Variants in HNRNPH1 observed in about 807,000 individuals in gnomAD.
HNRNPH1 encodes the protein heterogeneous nuclear ribonucleoprotein H1.
A neutral mutation model predicts 58.6 loss-of-function variants in HNRNPH1; 4 were observed. The observed-to-expected ratio is 0.07, with a 90% CI of 0.03 to 0.16. The LOEUF (loss-of-function observed/expected upper bound fraction) is 0.16. Among genes scored for constraint, HNRNPH1 ranks in the 10% least tolerant of loss-of-function variants. The pLI is 1.00. For synonymous variants in HNRNPH1, 192 were observed against 189.2 expected (o/e 1.01, Z -0.12); for missense variants, 271 against 564.2 (o/e 0.48, Z 5.26).
chr5:179,615,245 T>C, intron 12 of HNRNPH1: 1 of 430,338 alleles, frequency 2.3e-6, no homozygotes, highest in East Asian at 3.6e-5. Context: ...TTTCAAAAAT[T>C]GCAAAATTAC....
At position 179,617,622 on chromosome 5, in the gene HNRNPH1, CTCTCACAG is replaced by C. The variant is rs1252105851; in HGVS notation, c.941_948del (p.Pro314ArgfsTer4). The C allele has an allele frequency of 6.2e-7, 1 of 1,614,072 alleles. No homozygotes were observed. Among genetic ancestry groups the C allele is most frequent in the Non-Finnish European group, 8.5e-7 (1 of 1,179,958 alleles). On this transcript the variant is annotated frameshift_variant, in exon 8 of 13. Coordinates refer to ENST00000356731, the Ensembl canonical transcript of HNRNPH1. LOFTEE classifies it high-confidence loss of function. ...CCATCAGGACCAATTTCAATGTGTA[CTCTCACAG>C]GGTTGAGCGGTGAAAAAAACTACAA...
chr5:179,625,963 A>ATTTATTTT (rs1562362082), upstream of HNRNPH1, among the ~76,000 whole-genome samples: 6 of 150,928 alleles, frequency 4.0e-5, no homozygotes, highest in African/African-American at 1.2e-4. Flanking sequence ...TTATTTATTT[A>ATTTATTTT]TTTTTTGTAG....
At chr5:179,618,293 A>G (rs371854732) in exon 5 of HNRNPH1, 1 of 1,613,136 alleles carries the variant, frequency 6.2e-7, no homozygotes, top group African/African-American at 1.3e-5. Flanking sequence ...TTCTAACTTC[A>G]GCTCTACTGC....
At chr5:179,629,022 G>GCCTGA (rs1774598894), upstream of HNRNPH1, 3 of 151,188 alleles carry the variant, frequency 2.0e-5, no homozygotes, top group Admixed American at 2.0e-4. Flanking sequence ...ACCCGGCTGG[G>GCCTGA]CGCGGCGGCT....
exon 7 of HNRNPH1, chr5:179,617,802 A>G: frequency 1.9e-6 from 3 of 1,613,786 alleles, no homozygotes; most frequent in Non-Finnish European, 2.5e-6. Flanking sequence ...CACTTACATT[A>G]TAAATGTCAT....
At chr5:179,622,426 C>G (rs1046113599) in intron 1 of HNRNPH1, among the ~76,000 whole-genome samples, 3 of 152,154 alleles carry the variant, frequency 2.0e-5, no homozygotes, top group Non-Finnish European at 4.4e-5. Flanking sequence ...AAAAAGACAC[C>G]CGGGCCAGGC....
chr5:179,626,899 C>G (rs1774451308), upstream of HNRNPH1, among the ~76,000 whole-genome samples: 1 of 151,268 alleles, frequency 6.6e-6, no homozygotes, highest in African/African-American at 2.4e-5. Flanking sequence ...CCTCAGCCTC[C>G]CGAGTAGAGT....
upstream of HNRNPH1, among the ~76,000 whole-genome samples, chr5:179,625,112 G>A (rs916037051): frequency 1.3e-5 from 2 of 151,966 alleles, no homozygotes; most frequent in African/African-American, 4.8e-5. Flanking sequence ...CAGGGTGAAT[G>A]ACGGTACATA....
At chr5:179,629,243 G>A (rs75076831), upstream of HNRNPH1, 54,609 of 148,776 alleles carry the variant, frequency 0.37, 10,573 homozygotes, top group Non-Finnish European at 0.44. Flanking sequence ...CTTGCAGTGA[G>A]CCGAGATCGC....
intron 2 of HNRNPH1, among the ~76,000 whole-genome samples, chr5:179,631,201 A>T (rs1774802707): frequency 6.6e-6 from 1 of 152,192 alleles, no homozygotes; most frequent in Admixed American, 6.5e-5. Flanking sequence ...GCCACAGGAC[A>T]TGAAAAGATA....
rs775779304 is a variant in HNRNPH1, at chr5:179,618,075, ACAAT to A, written c.716-19_716-16del. 1.8e-4 allele frequency: 287 copies of A among 1,613,756 alleles called. 1 individual carries two copies. Among genetic ancestry groups the A allele is most frequent in the South Asian group, 3.3e-4 (30 of 91,074 alleles). On this transcript the variant is annotated splice_polypyrimidine_tract_variant and intron_variant, in intron 5 of 12. Transcript: ENST00000356731. ...GCCTCCATAGCCTGAAAGACAAAGT[ACAAT>A]CAATCAAATAAAACACCTAGACAAA...
rs1489794423 is a variant in HNRNPH1, at chr5:179,620,872, CA to C, written c.397+19del. On this transcript the variant is annotated intron_variant, in intron 3 of 12. Transcript: ENST00000356731. ...AAGCTAGCCAAAACTCACTGCTCAGCAACAAACATGACTACATACCTGAGAA... is the reference window on the plus strand; with the variant it reads ...AAGCTAGCCAAAACTCACTGCTCAGCACAAACATGACTACATACCTGAGAA... 1 of 1,612,016 alleles carries C rather than the reference CA, an allele frequency of 6.2e-7. No homozygotes were observed. Among genetic ancestry groups the C allele is most frequent in the East Asian group, 2.2e-5 (1 of 44,848 alleles).
chr5:179,623,473 G>C (rs903477850), exon 1 of HNRNPH1: 5 of 183,024 alleles, frequency 2.7e-5, no homozygotes, highest in Admixed American at 6.0e-5. Context: ...GCAGGCCTCA[G>C]CGGCGGTGCC....
At chr5:179,627,915 C>A (rs2127735149), upstream of HNRNPH1, among the ~76,000 whole-genome samples, 1 of 137,186 alleles carries the variant, frequency 7.3e-6, no homozygotes, top group Admixed American at 8.1e-5. Flanking sequence ...GAGGGAGATT[C>A]CATTGCAAAA....
At chr5:179,616,600 G>A in intron 10 of HNRNPH1, 1 of 523,750 alleles carries the variant, frequency 1.9e-6, no homozygotes, top group Non-Finnish European at 3.4e-6. Flanking sequence ...TTTTGCTATT[G>A]ATTTAAACTT....
chr5:179,616,171 C>A (rs752540358), exon 11 of HNRNPH1: 8 of 1,614,056 alleles, frequency 5.0e-6, no homozygotes, highest in African/African-American at 2.7e-5. Flanking sequence ...CCTCCGTAAC[C>A]CCCACTCAGC....
intron 3 of HNRNPH1, among the ~76,000 whole-genome samples, chr5:179,620,226 T>A (rs543198070): frequency 3.2e-4 from 48 of 152,350 alleles, no homozygotes; most frequent in African/African-American, 1.1e-3. Context: ...ATCATAAATA[T>A]TAATACTTAA....
In HNRNPH1 at chr5:179,616,806, AACTTATAATTG is replaced by A. The variant is rs1769958226; in HGVS notation, c.1207+52_1207+62del. ...ACTTATTAAATAAATAGATTAACTTAACTTATAATTGACTTATACAGATATAAACGTTTTGG... is the reference window on the plus strand; with the variant it reads ...ACTTATTAAATAAATAGATTAACTTAACTTATACAGATATAAACGTTTTGG... On this transcript the variant is annotated intron_variant, in intron 10 of 12. Coordinates refer to ENST00000356731, the Ensembl canonical transcript of HNRNPH1. 7.6e-6 allele frequency: 10 copies of A among 1,313,390 alleles called. No individual in the cohort carries two copies. The Admixed American group carries it at 1.9e-4, about 26-fold the overall frequency. The allele number at this position is 1,313,390 out of a possible 1,614,324, so 81.4% of individuals were successfully genotyped here. A position where few individuals can be genotyped will look rare whatever the true frequency, so the allele number is the denominator to read the frequency against.
At chr5:179,627,732 G>A (rs373608699), upstream of HNRNPH1, among the ~76,000 whole-genome samples, 1 of 151,756 alleles carries the variant, frequency 6.6e-6, no homozygotes, top group Non-Finnish European at 1.5e-5. Context: ...AGACATGTTG[G>A]CCAACATGGT....
Sources: gnomAD v4.1 joint callset for allele counts (sites outside exome capture counted in the v4.1 genomes callset) on GRCh38, gnomAD v4.1.1 for gene constraint, MANE v1.5 for transcripts, NCBI Gene and HGNC (gene_info 2026-07-23, HGNC 2026-07-21) for gene names.